SCARF1: variants seen among roughly 807,000 people sequenced by gnomAD.
SCARF1 encodes the protein scavenger receptor class F member 1, also known as acetyl LDL receptor.
Under a neutral mutation model 76.3 loss-of-function variants are expected in SCARF1, and 49 were observed. The ratio of observed to expected loss-of-function variants is 0.64; its 90% confidence interval spans 0.51 to 0.81. The LOEUF (loss-of-function observed/expected upper bound fraction) is 0.81, where lower values mean the gene tolerates loss of function less well. SCARF1 is among the 40% of genes least tolerant of loss of function. SCARF1 has a pLI of 0.00. For missense variants in SCARF1, 1,098 were observed against 1,143.9 expected (o/e 0.96, Z 0.58); for synonymous variants, 495 against 474.6 (o/e 1.04, Z -0.56).
At chr17:1,641,564 T>A (rs1169893532) in intron 4 of SCARF1, among the ~76,000 whole-genome samples, 1 of 152,238 alleles carries the variant, frequency 6.6e-6, no homozygotes, top group Non-Finnish European at 1.5e-5. Context: ...ATATCTTAAT[T>A]TCCCATTGAT....
chr17:1,641,290 G>A (rs774340015), intron 4 of SCARF1, among the ~76,000 whole-genome samples: 5 of 152,174 alleles, frequency 3.3e-5, no homozygotes, highest in Admixed American at 1.3e-4. Context: ...TGTGAACTGC[G>A]CACGGGAGGG....
At chr17:1,636,440 C>A (rs1231137324) in intron 10 of SCARF1, among the ~76,000 whole-genome samples, 1 of 152,130 alleles carries the variant, frequency 6.6e-6, no homozygotes, top group Non-Finnish European at 1.5e-5. Context: ...ACGGTGAAAC[C>A]CGGTCTCTAC....
Position 1,640,001 on chromosome 17 carries a change from G to A in SCARF1, c.1050C>T (p.Asp350=). 1.2e-6 allele frequency: 2 copies of A among 1,613,982 alleles called. No individual in the cohort carries two copies. Among genetic ancestry groups the A allele is most frequent in the Non-Finnish European group, 1.7e-6 (2 of 1,179,990 alleles). Residue 350 remains aspartate, a synonymous_variant, in exon 6 of 11, where the codon GAC becomes GAT. Coordinates refer to ENST00000263071, the MANE Select transcript of SCARF1 (RefSeq NM_003693.4). The surrounding 1 kb of genome is among the most constrained non-coding windows in gnomAD (Gnocchi z 4.7). ...CACAGGTGGGGCAGGTAGAGCCACA[G>A]TCTTCCCCAAAGGTACCAGTGGGGC... ...DPCPTGTFGE[D]CGSTCPTCVQ...
In SCARF1 at chr17:1,640,191, T is replaced by G. The variant is rs1464660311; in HGVS notation, c.1011-151A>C. ...CTCAGGTGCAAATAGGGCCTTGAACTTGGGGCCAAATCCAGCAGGTGACAG... is the reference window on the plus strand; with the variant it reads ...CTCAGGTGCAAATAGGGCCTTGAACGTGGGGCCAAATCCAGCAGGTGACAG... On this transcript the variant is annotated intron_variant, in intron 5 of 10. Coordinates refer to ENST00000263071, the MANE Select transcript of SCARF1 (RefSeq NM_003693.4). The surrounding 1 kb of genome is among the most constrained non-coding windows in gnomAD (Gnocchi z 4.7). 1.1e-6 allele frequency: 1 copy of G among 946,468 alleles called. No homozygotes were observed. The highest frequency in any genetic ancestry group is 1.5e-6 in the Non-Finnish European group (1 of 646,888). 58.6% of individuals were successfully genotyped at this position (946,468 alleles called of 1,614,324 possible).
Position 1,644,900 on chromosome 17 carries a change from C to T in SCARF1, c.199G>A (p.Glu67Lys), listed in dbSNP as rs547081960. ...CAGAGGCCCGGCTTCACACACACCT[C>T]GTCTTTCTGGCAGGCGTCCGGCCCC... ...CEGPDACQKD[E>K]VCVKPGLCRC... The change falls in exon 3 of 11, where the codon GAG becomes AAG. Residue 67 changes from glutamate to lysine, a missense_variant. By Grantham distance (56) the Glu-to-Lys change is moderately conservative. Coordinates refer to ENST00000263071, the MANE Select transcript of SCARF1 (RefSeq NM_003693.4). The surrounding 1 kb of genome is among the most constrained non-coding windows in gnomAD (Gnocchi z 4.8). 1.8e-4 allele frequency: 287 copies of T among 1,613,576 alleles called. 3 individuals are homozygous for T. The South Asian group carries it at 2.9e-3, about 16-fold the overall frequency.
Position 1,645,683 on chromosome 17 carries a change from C to T in SCARF1, c.15G>A (p.Leu5=). Residue 5 remains leucine (L), a synonymous_variant, in exon 1 of 11, where the codon CTG becomes CTA. Coordinates refer to ENST00000263071, the MANE Select transcript of SCARF1 (RefSeq NM_003693.4). This position sits in a 1 kb window ranked among gnomAD's most constrained non-coding sequence, Gnocchi z 6.3. ...TCCAGAGCAGCAGCAGCGGGAGCAG[C>T]AGCCCCAGCCCCATGGCAGGCAGCT... MGLG[L]LLPLLLLWTR... 1 of 1,604,126 alleles carries T rather than the reference C, an allele frequency of 6.2e-7. No homozygotes were observed.
chr17:1,639,561 G>T, intron 7 of SCARF1, 78 bp downstream of exon 7: 5 of 931,546 alleles, frequency 5.4e-6, no homozygotes, highest in South Asian at 1.4e-5. Context: ...ACTCCCTGGT[G>T]AGGAACTTGC....
In SCARF1 at chr17:1,645,662, G is replaced by C. The variant is rs1245193760; in HGVS notation, c.36C>G (p.Leu12=). ...CGGACCCCTGAGTCCCCCGAGTCCAGAGCAGCAGCAGCGGGAGCAGCAGCC... is the reference window on the plus strand; with the variant it reads ...CGGACCCCTGAGTCCCCCGAGTCCACAGCAGCAGCAGCGGGAGCAGCAGCC... ...GLGLLLPLLL[L]WTRGTQGSEL... is the part of the protein sequence containing the mutation. The change falls in exon 1 of 11, where the codon CTC becomes CTG. Residue 12 remains leucine, a synonymous_variant. Coordinates refer to ENST00000263071, the MANE Select transcript of SCARF1 (RefSeq NM_003693.4). This position sits in a 1 kb window ranked among gnomAD's most constrained non-coding sequence, Gnocchi z 6.3. The C allele has an allele frequency of 6.2e-7, 1 of 1,608,204 alleles. No homozygotes were observed. The highest frequency in any genetic ancestry group is 1.7e-5 in the Admixed American group (1 of 59,812).
chr17:1,645,649 TC>T lies in SCARF1; in HGVS notation c.48del (p.Thr17LeufsTer54). On this transcript the variant is annotated frameshift_variant, in exon 1 of 11. Coordinates refer to ENST00000263071, the MANE Select transcript of SCARF1 (RefSeq NM_003693.4). LOFTEE classifies it high-confidence loss of function. The surrounding 1 kb of genome is among the most constrained non-coding windows in gnomAD (Gnocchi z 6.3). ...TTGGGGTCCAGCTCGGACCCCTGAG[TC>T]CCCCGAGTCCAGAGCAGCAGCAGCG... is the stretch of plus-strand genomic sequence containing the variant. ...LLPLLLLWTR[G>X]TQGSELDPKG... 6.2e-7 allele frequency: 1 copy of T among 1,605,750 alleles called. No individual in the cohort carries two copies.
Position 1,636,924 on chromosome 17 carries a change from C to T in SCARF1, c.1486+17G>A. On this transcript the variant is annotated intron_variant, in intron 9 of 10. Transcript: ENST00000263071. ...GCCCTGTCCAATCCCAGACCCCGGC[C>T]CCCAGCGCCCACTGACCTGTCACCC... 6.2e-7 allele frequency: 1 copy of T among 1,614,084 alleles called. No individual in the cohort carries two copies. The highest frequency in any genetic ancestry group is 8.5e-7 in the Non-Finnish European group (1 of 1,180,014).
rs1214205376 is a variant in SCARF1 at position 1,634,608 on chromosome 17, C to T, written c.*150G>A. Reference sequence around the variant, plus strand: ...TCCTGGGCCCCTCCGGGAGCACTGCCAGGGGCCTGGGCCAACTGGCCTGGA... The same window carrying T: ...TCCTGGGCCCCTCCGGGAGCACTGCTAGGGGCCTGGGCCAACTGGCCTGGA... On this transcript the variant is annotated 3_prime_UTR_variant, in exon 11 of 11. Coordinates refer to ENST00000263071, the MANE Select transcript of SCARF1 (RefSeq NM_003693.4). 2 of 1,123,082 alleles carry T rather than the reference C, an allele frequency of 1.8e-6. No individual in the cohort carries two copies. Among genetic ancestry groups the T allele is most frequent in the Non-Finnish European group, 2.5e-6 (2 of 809,256 alleles). 69.6% of individuals were successfully genotyped at this position (1,123,082 alleles called of 1,614,324 possible). A position where few individuals can be genotyped will look rare whatever the true frequency, so the allele number is the denominator to read the frequency against.
At chr17:1,637,940 G>A (rs1056245746) in intron 8 of SCARF1, among the ~76,000 whole-genome samples, 5 of 152,128 alleles carry the variant, frequency 3.3e-5, no homozygotes, top group Non-Finnish European at 2.9e-5. Context: ...TCTATGCCCT[G>A]GGCCAGGGGC....
chr17:1,643,945 G>T lies in SCARF1; in HGVS notation c.288C>A (p.Gly96=). 1 of 1,349,128 alleles carries T rather than the reference G, an allele frequency of 7.4e-7. No individual in the cohort carries two copies. The allele number at this position is 1,349,128 out of a possible 1,614,324, so 83.6% of individuals were successfully genotyped here. A position where few individuals can be genotyped will look rare whatever the true frequency, so the allele number is the denominator to read the frequency against. The change falls in exon 4 of 11, where the codon GGC becomes GGA. Residue 96 remains glycine (G), a synonymous_variant. Transcript: ENST00000263071. ...AGGGGCAGCTCTCACGGCAGTCGGGGCCCCAGTACTGGCCCGGGCAGCCTG... is the reference window on the plus strand; with the variant it reads ...AGGGGCAGCTCTCACGGCAGTCGGGTCCCCAGTACTGGCCCGGGCAGCCTG... ...CSSRCPGQYW[G]PDCRESCPCH...
intron 4 of SCARF1, among the ~76,000 whole-genome samples, chr17:1,643,166 C>T (rs1324813685): frequency 1.4e-5 from 2 of 140,996 alleles, no homozygotes; most frequent in South Asian, 2.4e-4. Flanking sequence ...CGCCTCCGCC[C>T]CCTCCCCCGA....
At position 1,639,984 on chromosome 17, in the gene SCARF1, G is replaced by A. The variant is rs1330722835; in HGVS notation, c.1067C>T (p.Pro356Leu). 5.0e-6 allele frequency: 8 copies of A among 1,613,904 alleles called. No individual in the cohort carries two copies. The African/African-American group carries it at 6.7e-5, about 13-fold the overall frequency. The change falls in exon 6 of 11, where the codon CCC (proline) becomes CTC (leucine). Residue 356 changes from proline (P) to leucine (L), a missense_variant. Transcript: ENST00000263071. The part of the protein sequence containing the change: ...TFGEDCGSTC[P>L]TCVQGSCDTV... Reference sequence around the variant, plus strand: ...ATCACAGGACCCCTGAACACAGGTGGGGCAGGTAGAGCCACAGTCTTCCCC... The same window carrying A: ...ATCACAGGACCCCTGAACACAGGTGAGGCAGGTAGAGCCACAGTCTTCCCC...
Position 1,635,073 on chromosome 17 carries a change from C to T in SCARF1, c.2178G>A (p.Arg726=). The change falls in exon 11 of 11, where the codon AGG becomes AGA. Residue 726 remains arginine (R), a synonymous_variant. Transcript: ENST00000263071. ...QKGQAEAKVK[R]AIPKPPRQAL... is the part of the protein sequence containing the mutation. Reference sequence around the variant, plus strand: ...CCTGGCGCGGAGGCTTAGGGATGGCCCTCTTGACCTTGGCTTCCGCCTGGC... The same window carrying T: ...CCTGGCGCGGAGGCTTAGGGATGGCTCTCTTGACCTTGGCTTCCGCCTGGC... The T allele has an allele frequency of 6.2e-7, 1 of 1,613,974 alleles. No individual in the cohort carries two copies.
At position 1,643,514 on chromosome 17, in the gene SCARF1, G is replaced by T; in HGVS notation, c.719C>A (p.Pro240Gln). ...CSAASGECTC[P>Q]PGFRGARCEL... ...GCAGCGCGCTCCGCGGAAGCCGGGC[G>T]GGCAGGTGCACTCGCCGGAGGCGGC... Residue 240 changes from proline to glutamine, a missense_variant, in exon 4 of 11, where the codon CCG (proline) becomes CAG (glutamine). Transcript: ENST00000263071. 1 of 1,362,686 alleles carries T rather than the reference G, an allele frequency of 7.3e-7. No individual in the cohort carries two copies. The allele number at this position is 1,362,686 out of a possible 1,614,324, so 84.4% of individuals were successfully genotyped here.
At chr17:1,643,168 C>A (rs147308204) in intron 4 of SCARF1, among the ~76,000 whole-genome samples, 3 of 133,458 alleles carry the variant, frequency 2.2e-5, no homozygotes, top group Non-Finnish European at 3.2e-5. Flanking sequence ...CCTCCGCCCC[C>A]TCCCCCGACC....
At chr17:1,635,693 T>C in intron 10 of SCARF1, 76 bp from the exon 11 acceptor site, 1 of 1,476,844 alleles carries the variant, frequency 6.8e-7, no homozygotes, top group Non-Finnish European at 8.9e-7. Context: ...GCTCAGCATC[T>C]TCCAGGAGGC....
Sources: gnomAD v4.1 joint callset for allele counts (sites outside exome capture counted in the v4.1 genomes callset) on GRCh38, gnomAD v4.1.1 for gene constraint, Gnocchi (gnomAD v3.1) non-coding constraint, MANE v1.5 for transcripts, NCBI Gene and HGNC (gene_info 2026-07-23, HGNC 2026-07-21) for gene names.